Variants in NSMF observed in about 807,000 individuals in gnomAD.
NSMF encodes the protein nasal embryonic LHRH factor.
In NSMF, 31 loss-of-function variants were observed where a neutral mutation model predicts 71.0. The ratio of observed to expected loss-of-function variants is 0.44; its 90% confidence interval spans 0.33 to 0.59. The LOEUF is 0.59. NSMF is among the 20% of genes least tolerant of loss of function. NSMF has a pLI of 0.04. For synonymous variants in NSMF, 345 were observed against 287.1 expected (o/e 1.20, Z -2.04); for missense variants, 673 against 740.5 (o/e 0.91, Z 1.06).
intron 2 of NSMF, 52 bp from the exon 3 acceptor site, chr9:137,457,953 C>G: frequency 6.5e-7 from 1 of 1,535,144 alleles, no homozygotes; most frequent in African/African-American, 1.4e-5. Flanking sequence ...CCCCCGCTGC[C>G]GGTTTCATAG....
At chr9:137,458,623 G>A in intron 1 of NSMF, 74 bp from the exon 2 acceptor site, 2 of 1,411,256 alleles carry the variant, frequency 1.4e-6, no homozygotes, top group Non-Finnish European at 1.9e-6. Flanking sequence ...CAAGAGCCGG[G>A]GGTCCGGTCC....
At chr9:137,451,105 A>C (rs990391599) in intron 12 of NSMF, among the ~76,000 whole-genome samples, 25 of 22,244 alleles carry the variant, frequency 1.1e-3, no homozygotes, top group East Asian at 1.2e-3. Flanking sequence ...TTCCCCTGCC[A>C]CACGTCTCTT....
rs1186741203 is a variant in NSMF at position 137,455,040 on chromosome 9, G to A, written c.779+199C>T. The A allele has an allele frequency of 8.1e-6, 6 of 737,150 alleles. No homozygotes were observed. The South Asian group carries it at 8.9e-5, about 11-fold the overall frequency. The allele number at this position is 737,150 out of a possible 1,614,324, so 45.7% of individuals were successfully genotyped here. A position where few individuals can be genotyped will look rare whatever the true frequency, so the allele number is the denominator to read the frequency against. ...GCCCAGACAGAGACACGTGCCCTCG[G>A]AGTGCAGGACTGAGGGTGAGATGCT... On this transcript the variant is annotated intron_variant, in intron 6 of 15. Transcript: ENST00000371475.
At position 137,453,747 on chromosome 9, in the gene NSMF, G is replaced by A. The variant is rs1830671320; in HGVS notation, c.906C>T (p.Ser302=). The A allele has an allele frequency of 1.2e-6, 2 of 1,602,426 alleles. No individual in the cohort carries two copies. Among genetic ancestry groups the A allele is most frequent in the Non-Finnish European group, 1.7e-6 (2 of 1,178,400 alleles). The change falls in exon 8 of 16, where the codon TCC becomes TCT. Residue 302 remains serine (S), a synonymous_variant. Transcript: ENST00000371475. The surrounding 1 kb of genome is among the most constrained non-coding windows in gnomAD (Gnocchi z 4.5). ...SDPTPMKADT[S]HDSRDSSDLQ... is the part of the protein sequence containing the mutation. ...GGCACCTACTGTCTCGGGAGTCGTG[G>A]GAAGTGTCGGCTTTCATGGGGGTGG...
chr9:137,454,909 C>A, intron 6 of NSMF: 2 of 725,798 alleles, frequency 2.8e-6, no homozygotes, highest in Non-Finnish European at 4.6e-6. Context: ...TCTCCTCCAC[C>A]AAACTTTGGA....
chr9:137,455,660 C>T (rs1261132687), intron 4 of NSMF, 26 bp from the exon 5 acceptor site: 13 of 1,550,336 alleles, frequency 8.4e-6, no homozygotes, highest in Admixed American at 2.0e-5. Flanking sequence ...GAAGGGATGG[C>T]GTGAGAGAGA....
Position 137,456,392 on chromosome 9 carries a change from T to C in NSMF, c.704+19A>G. On this transcript the variant is annotated intron_variant, in intron 4 of 15. Transcript: ENST00000371475. ...GAGACCACCCAACCCTGACCCCAAGTCGTGGGCACAAGACTCACGCTTGCA... is the reference window on the plus strand; with the variant it reads ...GAGACCACCCAACCCTGACCCCAAGCCGTGGGCACAAGACTCACGCTTGCA... 6.2e-7 allele frequency: 1 copy of C among 1,601,168 alleles called. No individual in the cohort carries two copies. Among genetic ancestry groups the C allele is most frequent in the Non-Finnish European group, 8.6e-7 (1 of 1,169,026 alleles).
rs1259190507 is a variant in NSMF, at chr9:137,457,860, G to A, written c.175C>T (p.Pro59Ser). The part of the protein sequence containing the change: ...ADAYSGHDGS[P>S]EMQPAPQNKR... ...TTCTGGGGGGCCGGCTGCATCTCGG[G>A]GGACCCGTCGTGGCCAGAGTAGGCA... The change falls in exon 3 of 16, where the codon CCC becomes TCC. Residue 59 changes from proline (P) to serine (S), a missense_variant. Physicochemically the swap from Pro to Ser is moderately conservative, Grantham distance 74 (BLOSUM62 -1). This residue lies in a region of NSMF where 471 missense variants were observed against 459.6 expected (regional missense o/e 1.02). Transcript: ENST00000371475. 3 of 1,550,826 alleles carry A rather than the reference G, an allele frequency of 1.9e-6. No individual in the cohort carries two copies. Among genetic ancestry groups the A allele is most frequent in the South Asian group, 2.4e-5 (2 of 84,420 alleles).
chr9:137,459,167 G>T lies in NSMF; in HGVS notation c.-65C>A, dbSNP rs914365018. ...CCCCGCGCCCGCCGCCTCCGCCGGG[G>T]TAGCCGCGCCGCACCGGGGGTCGCG... On this transcript the variant is annotated 5_prime_UTR_variant, in exon 1 of 16. Transcript: ENST00000371475. 2.6e-5 allele frequency: 29 copies of T among 1,109,896 alleles called. No individual in the cohort carries two copies. The African/African-American group carries it at 4.3e-4, about 16-fold the overall frequency. 68.8% of individuals were successfully genotyped at this position (1,109,896 alleles called of 1,614,324 possible). A position where few individuals can be genotyped will look rare whatever the true frequency, so the allele number is the denominator to read the frequency against.
intron 5 of NSMF, 129 bp from the exon 6 acceptor site, chr9:137,455,436 C>A: frequency 8.6e-7 from 1 of 1,161,442 alleles, no homozygotes; most frequent in Non-Finnish European, 1.3e-6. Flanking sequence ...GGAGTCCCAG[C>A]CTGCCTCACC....
rs1588501093 is a variant in NSMF, at chr9:137,453,241, G to T, written c.923-61C>A. ...GGCAGCACCTCCTATCCTGGCCATG[G>T]CCCCAAGGCCCACAGGGCCCGAAAG... is the stretch of plus-strand genomic sequence containing the variant. On this transcript the variant is annotated intron_variant, in intron 8 of 15. Coordinates refer to ENST00000371475, the MANE Select transcript of NSMF (RefSeq NM_001130969.3). The surrounding 1 kb of genome is among the most constrained non-coding windows in gnomAD (Gnocchi z 4.5). 6.2e-7 allele frequency: 1 copy of T among 1,604,994 alleles called. No individual in the cohort carries two copies. The highest frequency in any genetic ancestry group is 8.5e-7 in the Non-Finnish European group (1 of 1,178,444).
chr9:137,456,463 A>C lies in NSMF; in HGVS notation c.652T>G (p.Phe218Val). The C allele has an allele frequency of 1.9e-6, 3 of 1,613,022 alleles. No homozygotes were observed. The highest frequency in any genetic ancestry group is 2.5e-6 in the Non-Finnish European group (3 of 1,179,500). Residue 218 changes from phenylalanine to valine, a missense_variant, in exon 4 of 16, where the codon TTC (phenylalanine) becomes GTC (valine). Around this residue, in one of 2 missense-constraint regions of NSMF, gnomAD observed 471 missense variants for 459.6 expected, o/e 1.02. Transcript: ENST00000371475. ...VSDDIPIRTW[F>V]PKENLFSFQT... ...AAGCTGAAAAGATTTTCCTTGGGGA[A>C]CCAGGTACGAATAGGGATGTCGTCT...
At chr9:137,450,894 TC>T (rs1384047122) in intron 12 of NSMF, among the ~76,000 whole-genome samples, 8 of 5,896 alleles carry the variant, frequency 1.4e-3, no homozygotes, top group Non-Finnish European at 1.8e-3. Context: ...CCCCTTGATC[TC>T]CCCCCCACGC....
chr9:137,452,314 C>G, intron 12 of NSMF, 51 bp downstream of exon 12: 1 of 1,583,140 alleles, frequency 6.3e-7, no homozygotes, highest in Non-Finnish European at 8.7e-7. Context: ...TGGTCTTCCC[C>G]TGCCCCACCA....
In NSMF at chr9:137,449,303, C is replaced by T; in HGVS notation, c.*91G>A. On this transcript the variant is annotated 3_prime_UTR_variant, in exon 16 of 16. Coordinates refer to ENST00000371475, the MANE Select transcript of NSMF (RefSeq NM_001130969.3). ...AAGTGGCTCCAGGCGAGACCGGAGC[C>T]ACACAGTCCCGGGGAGCACGAGGCG... 1 of 1,103,132 alleles carries T rather than the reference C, an allele frequency of 9.1e-7. No homozygotes were observed. The highest frequency in any genetic ancestry group is 1.4e-6 in the Non-Finnish European group (1 of 736,376). The allele number at this position is 1,103,132 out of a possible 1,614,324, so 68.3% of individuals were successfully genotyped here.
chr9:137,458,021 G>A, intron 2 of NSMF, 120 bp from the exon 3 acceptor site: 4 of 1,384,092 alleles, frequency 2.9e-6, no homozygotes, highest in Non-Finnish European at 4.0e-6. Context: ...GACTAGGGCT[G>A]CCCAAACCCT....
chr9:137,450,077 A>G (rs1468819936), intron 13 of NSMF, 52 bp from the exon 14 acceptor site: 2 of 1,591,616 alleles, frequency 1.3e-6, no homozygotes, highest in Non-Finnish European at 1.7e-6. Flanking sequence ...ACCCCACTCC[A>G]CAGAGCGGAC....
chr9:137,449,328 G>A lies in NSMF; in HGVS notation c.*66C>T, dbSNP rs752334820. 3.8e-5 allele frequency: 52 copies of A among 1,382,582 alleles called. No individual in the cohort carries two copies. The highest frequency in any genetic ancestry group is 1.6e-4 in the East Asian group (7 of 42,566). 85.6% of individuals were successfully genotyped at this position (1,382,582 alleles called of 1,614,324 possible). A position where few individuals can be genotyped will look rare whatever the true frequency, so the allele number is the denominator to read the frequency against. On this transcript the variant is annotated 3_prime_UTR_variant, in exon 16 of 16. Coordinates refer to ENST00000371475, the MANE Select transcript of NSMF (RefSeq NM_001130969.3). ...CACACAGTCCCGGGGAGCACGAGGC[G>A]GCCCAGCCCCAGGTCCCGGTGCAGA...
chr9:137,450,297 C>T (rs1242447953), intron 12 of NSMF, 42 bp from the exon 13 acceptor site: 1 of 1,525,422 alleles, frequency 6.6e-7, no homozygotes, highest in Non-Finnish European at 9.1e-7. Context: ...TCCTTCCTCC[C>T]CCTCTCCGAC....
Sources: allele counts gnomAD v4.1 joint callset (sites outside exome capture counted in the v4.1 genomes callset), GRCh38; gene constraint gnomAD v4.1.1; regional missense constraint gnomAD v4.1.1; non-coding constraint Gnocchi (gnomAD v3.1); transcripts MANE v1.5; gene names NCBI Gene and HGNC (gene_info 2026-07-23, HGNC 2026-07-21).